PLPP3: variants seen among roughly 807,000 people sequenced by gnomAD.
PLPP3 encodes the protein PAP2 beta.
Under a neutral mutation model 29.6 loss-of-function variants are expected in PLPP3, and 6 were observed. The ratio of observed to expected loss-of-function variants is 0.20; its 90% CI spans 0.11 to 0.40. The LOEUF is 0.40. PLPP3 is among the 10% of genes least tolerant of loss of function. PLPP3 has a pLI of 1.00. For missense variants in PLPP3, 308 were observed against 407.7 expected (o/e 0.76, Z 2.11); for synonymous variants, 152 against 159.7 (o/e 0.95, Z 0.36).
intron 1 of PLPP3, among the ~76,000 whole-genome samples, chr1:56,552,511 A>G (rs755891136): frequency 2.0e-5 from 3 of 152,218 alleles, no homozygotes; most frequent in Non-Finnish European, 4.4e-5. Context: ...CTGAATATAC[A>G]ATATTTACTG....
intron 2 of PLPP3, among the ~76,000 whole-genome samples, chr1:56,534,630 A>C (rs1270742736): frequency 6.6e-6 from 1 of 152,170 alleles, no homozygotes; most frequent in Non-Finnish European, 1.5e-5. Flanking sequence ...GGATGGGGCC[A>C]GCTGGGAAAG....
At chr1:56,548,260 C>CT (rs1323732848) in intron 1 of PLPP3, among the ~76,000 whole-genome samples, 1 of 152,342 alleles carries the variant, frequency 6.6e-6, no homozygotes, top group East Asian at 1.9e-4. Context: ...AATCTGACAG[C>CT]TGCCACCTGC....
At chr1:56,552,899 A>G (rs969205211) in intron 1 of PLPP3, among the ~76,000 whole-genome samples, 2 of 152,178 alleles carry the variant, frequency 1.3e-5, no homozygotes. Context: ...TGTGCAGCAG[A>G]AAAAGTCCTG....
intron 1 of PLPP3, among the ~76,000 whole-genome samples, chr1:56,573,116 C>A (rs1479565809): frequency 6.6e-6 from 1 of 152,208 alleles, no homozygotes; most frequent in South Asian, 2.1e-4. Context: ...CACTCATGCA[C>A]AAACTTCAAT....
chr1:56,575,922 A>T (rs1180621198), intron 1 of PLPP3, among the ~76,000 whole-genome samples: 1 of 152,212 alleles, frequency 6.6e-6, no homozygotes, highest in East Asian at 1.9e-4. Flanking sequence ...GGTGATAAAT[A>T]TTACTTAATT....
intron 1 of PLPP3, among the ~76,000 whole-genome samples, chr1:56,547,438 T>C (rs1007413290): frequency 2.6e-5 from 4 of 152,170 alleles, no homozygotes; most frequent in Admixed American, 2.6e-4. Context: ...ATCCTGTTTT[T>C]TAATGCAATC....
At chr1:56,507,895 T>C (rs762131492) in intron 5 of PLPP3, among the ~76,000 whole-genome samples, 7 of 152,142 alleles carry the variant, frequency 4.6e-5, no homozygotes, top group Non-Finnish European at 8.8e-5. Context: ...TCTATGCTGC[T>C]AGCTTTGAAA....
In PLPP3 at chr1:56,550,954, GC is replaced by G. The variant is rs769310187; in HGVS notation, c.140-13843del. On this transcript the variant is annotated intron_variant, in intron 1 of 5. Coordinates refer to ENST00000371250, the MANE Select transcript of PLPP3 (RefSeq NM_003713.5). ...TGGAAGGACAAGAGGGGAGAGCAAG[GC>G]CCCCGGAATTGTTCAAAGGCCTGAG... 2.7e-4 allele frequency among the ~76,000 whole-genome samples: 41 copies of G among 152,192 alleles called. No homozygotes were observed. The South Asian group carries it at 6.5e-3, about 24-fold the overall frequency.
Position 56,507,531 on chromosome 1 carries a change from ATG to A in PLPP3, c.810+4443_810+4444del, listed in dbSNP as rs201084317. Among the ~76,000 whole-genome samples, 120 of 152,322 alleles carry A rather than the reference ATG, an allele frequency of 7.9e-4. 2 individuals are homozygous for A. In the East Asian group the frequency reaches 0.018, roughly 23 times the overall value. ...GAAGAGACAGACATATGAGCAGGCC[ATG>A]AGTAGATGAGGCCTAAAGCCATGGT... On this transcript the variant is annotated intron_variant, in intron 5 of 5. Transcript: ENST00000371250.
intron 1 of PLPP3, among the ~76,000 whole-genome samples, chr1:56,554,884 T>G (rs753858428): frequency 1.3e-5 from 2 of 152,352 alleles, no homozygotes; most frequent in East Asian, 3.9e-4. Flanking sequence ...CCAAGTTCAC[T>G]TCACACTCAT....
chr1:56,534,993 T>C (rs576903039), intron 2 of PLPP3, among the ~76,000 whole-genome samples: 1 of 152,310 alleles, frequency 6.6e-6, no homozygotes, highest in East Asian at 1.9e-4. Flanking sequence ...ACTGTATTTT[T>C]ACCAGATATA....
At chr1:56,578,606 G>A (rs1467069249) in intron 1 of PLPP3, among the ~76,000 whole-genome samples, 1 of 152,186 alleles carries the variant, frequency 6.6e-6, no homozygotes, top group Non-Finnish European at 1.5e-5. Flanking sequence ...GGCTTCCAAC[G>A]TGGAGACGAC....
chr1:56,529,108 A>G (rs1442884878), intron 2 of PLPP3, among the ~76,000 whole-genome samples: 1 of 152,016 alleles, frequency 6.6e-6, no homozygotes, highest in Non-Finnish European at 1.5e-5. Context: ...AAGCACTTTC[A>G]CATCCACTAT....
intron 1 of PLPP3, among the ~76,000 whole-genome samples, chr1:56,556,985 A>T (rs897297914): frequency 1.6e-4 from 1 of 6,324 alleles, no homozygotes; most frequent in Admixed American, 2.6e-3. Context: ...AAAGAAAGAA[A>T]GAAAGAAAGA....
At chr1:56,552,024 A>T (rs1192832727) in intron 1 of PLPP3, among the ~76,000 whole-genome samples, 1 of 152,186 alleles carries the variant, frequency 6.6e-6, no homozygotes, top group African/African-American at 2.4e-5. Flanking sequence ...CTTGCATCTG[A>T]CACAAGGTAT....
chr1:56,530,633 C>T (rs1645881522), intron 2 of PLPP3, among the ~76,000 whole-genome samples: 2 of 152,210 alleles, frequency 1.3e-5, no homozygotes, highest in South Asian at 4.1e-4. Flanking sequence ...TTCTATTTCC[C>T]TTGCATTGCC....
At chr1:56,574,607 C>T (rs765640551) in intron 1 of PLPP3, among the ~76,000 whole-genome samples, 95 of 152,006 alleles carry the variant, frequency 6.2e-4, no homozygotes, top group African/African-American at 2.0e-3. Context: ...GGCAATTTAC[C>T]GGTTGATTAA....
intron 1 of PLPP3, among the ~76,000 whole-genome samples, chr1:56,576,005 C>CGGG (rs1226487307): frequency 6.6e-6 from 1 of 152,116 alleles, no homozygotes; most frequent in Admixed American, 6.5e-5. Flanking sequence ...AGCAATTAAT[C>CGGG]GGTAAAGATA....
At chr1:56,540,121 TTGAG>T (rs1465647711) in intron 1 of PLPP3, among the ~76,000 whole-genome samples, 1 of 152,180 alleles carries the variant, frequency 6.6e-6, no homozygotes, top group East Asian at 1.9e-4. Flanking sequence ...TCCCTACTAC[TTGAG>T]TAAGTTATTT....
Sources: gnomAD v4.1 joint callset for allele counts (sites outside exome capture counted in the v4.1 genomes callset) on GRCh38, gnomAD v4.1.1 for gene constraint, MANE v1.5 for transcripts, NCBI Gene and HGNC (gene_info 2026-07-23, HGNC 2026-07-21) for gene names.